The following TDRD1 variants were observed in gnomAD, a reference collection of about 807,000 sequenced individuals.
The protein encoded by TDRD1 is tudor domain-containing protein 1.
TDRD1 carries 37 observed loss-of-function variants against 140.6 expected under a neutral mutation model. That is an observed-to-expected ratio of 0.26 (90% CI 0.20 to 0.35). The LOEUF (loss-of-function observed/expected upper bound fraction) is 0.35. TDRD1 is among the 10% of genes least tolerant of loss of function. TDRD1 has a pLI of 1.00. For synonymous variants in TDRD1, 506 were observed against 475.7 expected, an observed-to-expected ratio of 1.06 and a Z score of -0.83; for missense variants, 1,243 against 1,393.0, an observed-to-expected ratio of 0.89 and a Z score of 1.71.
chr10:114,230,165 C>T (rs1190080939), intron 25 of TDRD1, among the ~76,000 whole-genome samples: 2 of 152,112 alleles, frequency 1.3e-5, no homozygotes, highest in Non-Finnish European at 2.9e-5. Context: ...AGTTGGTTGG[C>T]CTGTATGTTC....
chr10:114,182,682 AC>A (rs1268528841), intron 1 of TDRD1, among the ~76,000 whole-genome samples: 1 of 147,784 alleles, frequency 6.8e-6, no homozygotes, highest in Non-Finnish European at 1.5e-5. Flanking sequence ...TTTTTATCAT[AC>A]GAATATCTTT....
At chr10:114,183,212 G>C (rs1465304162) in intron 1 of TDRD1, among the ~76,000 whole-genome samples, 1 of 152,202 alleles carries the variant, frequency 6.6e-6, no homozygotes, top group Non-Finnish European at 1.5e-5. Context: ...TAAGGACAGT[G>C]TTATGAAAGA....
chr10:114,192,404 C>T (rs111647265), intron 3 of TDRD1, among the ~76,000 whole-genome samples: 21,162 of 140,256 alleles, frequency 0.15, 1,585 homozygotes, highest in African/African-American at 0.18. Context: ...CCTGGGTTTA[C>T]GCCATTTCTC....
chr10:114,187,360 A>C (rs985617249), intron 1 of TDRD1, among the ~76,000 whole-genome samples: 5 of 152,136 alleles, frequency 3.3e-5, no homozygotes, highest in Non-Finnish European at 7.4e-5. Flanking sequence ...TTCTGGGTAG[A>C]GGGTTCAGCA....
chr10:114,178,241 T>A (rs963940835), upstream of TDRD1, among the ~76,000 whole-genome samples: 7 of 152,120 alleles, frequency 4.6e-5, no homozygotes, highest in Non-Finnish European at 1.5e-5. Context: ...TTTTAAAGAA[T>A]TGAAGTTAGT....
exon 13 of TDRD1, chr10:114,210,906 G>C (rs1456836375): frequency 6.2e-7 from 1 of 1,614,136 alleles, no homozygotes; most frequent in Admixed American, 1.7e-5. Flanking sequence ...ACTGTGATCA[G>C]TTGCCTCCAC....
intron 1 of TDRD1, among the ~76,000 whole-genome samples, chr10:114,186,933 T>C (rs1212671327): frequency 2.0e-5 from 3 of 152,210 alleles, no homozygotes; most frequent in African/African-American, 7.2e-5. Flanking sequence ...AACATTTAGA[T>C]ATTACTCATG....
intron 22 of TDRD1, among the ~76,000 whole-genome samples, chr10:114,226,688 TACTTA>T (rs2036457095): frequency 1.3e-5 from 2 of 152,250 alleles, no homozygotes; most frequent in Non-Finnish European, 2.9e-5. Context: ...TGAACAAAAA[TACTTA>T]AAGTAGCTTT....
intron 18 of TDRD1, 149 bp from the exon 19 acceptor site, chr10:114,220,419 T>C: frequency 1.6e-6 from 1 of 609,856 alleles, no homozygotes; most frequent in Non-Finnish European, 2.9e-6. Context: ...AAGTCAGGCA[T>C]GCAGGATGTA....
rs1007623285 is a variant in TDRD1 at position 114,204,182 on chromosome 10, A to G, written c.1091A>G (p.His364Arg). ...ATAATTCCATTAAACAGAATTTACC[A>G]CCTCAACAGGAACATTGACTTGTTT... Residue 364 changes from histidine to arginine, a missense_variant, in exon 9 of 26, where the codon CAC (histidine) becomes CGC (arginine). Physicochemically the swap from His to Arg is conservative, Grantham distance 29. This residue lies in a region of TDRD1 where 392 missense variants were observed against 394.1 expected (regional missense o/e 0.99). Transcript: ENST00000251864. The G allele has an allele frequency of 1.9e-6, 3 of 1,597,024 alleles. No individual in the cohort carries two copies. In the African/African-American group the frequency reaches 4.1e-5, roughly 22 times the overall value.
chr10:114,195,169 C>T (rs2120351670), intron 3 of TDRD1, among the ~76,000 whole-genome samples: 1 of 152,248 alleles, frequency 6.6e-6, no homozygotes, highest in African/African-American at 2.4e-5. Context: ...TTTTCTGCCA[C>T]TGATTTCTAG....
At position 114,216,890 on chromosome 10, in the gene TDRD1, T is replaced by G. The variant is rs538364003; in HGVS notation, c.2213-655T>G. ...CACATTCTTAAAAGGCATTTGCTTT[T>G]CTTTTACTACTACTAAGTGGTTTAG... is the stretch of plus-strand genomic sequence containing the variant. On this transcript the variant is annotated intron_variant, in intron 16 of 25. Coordinates refer to ENST00000251864, the Ensembl canonical transcript of TDRD1. Among the ~76,000 whole-genome samples the G allele has an allele frequency of 4.6e-5, 7 of 152,370 alleles. No homozygotes were observed. The East Asian group carries it at 1.3e-3, about 29-fold the overall frequency.
At chr10:114,223,021 T>C (rs1030640150) in intron 21 of TDRD1, among the ~76,000 whole-genome samples, 1 of 152,210 alleles carries the variant, frequency 6.6e-6, no homozygotes, top group Non-Finnish European at 1.5e-5. Context: ...AAAGAATTCA[T>C]AGGGTTCCAT....
exon 24 of TDRD1, chr10:114,227,942 G>C: frequency 6.2e-7 from 1 of 1,613,804 alleles, no homozygotes; most frequent in South Asian, 1.1e-5. Flanking sequence ...CTGCTGCACA[G>C]AGTTACAGAA....
Position 114,183,209 on chromosome 10 carries a change from A to G in TDRD1, c.-7+3793A>G, listed in dbSNP as rs530784173. Reference sequence around the variant, plus strand: ...CCAGCATGAGTTACTAAGTAAGGACAGTGTTATGAAAGACTCTCGGGTGTA... The same window carrying G: ...CCAGCATGAGTTACTAAGTAAGGACGGTGTTATGAAAGACTCTCGGGTGTA... On this transcript the variant is annotated intron_variant, in intron 1 of 25. Coordinates refer to ENST00000251864, the Ensembl canonical transcript of TDRD1. Among the ~76,000 whole-genome samples the G allele has an allele frequency of 2.3e-3, 355 of 152,296 alleles. 6 individuals carry two copies. The highest frequency in any genetic ancestry group is 1.2e-3 in the Non-Finnish European group (82 of 68,022).
rs1178381467 is a variant in TDRD1, at chr10:114,205,910, C to A, written c.1298-334C>A. Among the ~76,000 whole-genome samples the A allele has an allele frequency of 3.3e-5, 5 of 152,266 alleles. No homozygotes were observed. The East Asian group carries it at 9.7e-4, about 29-fold the overall frequency. On this transcript the variant is annotated intron_variant, in intron 10 of 25. Transcript: ENST00000251864. ...CAAAGGATGCTTGAGGGGATGGTTA[C>A]CTCCTCTGTGGTGTGTTTATTTCAC...
At chr10:114,203,698 A>G (rs1223886375) in intron 8 of TDRD1, 131 bp downstream of exon 8, 2 of 788,608 alleles carry the variant, frequency 2.5e-6, no homozygotes, top group Admixed American at 3.0e-5. Flanking sequence ...ATTCCTCTTC[A>G]GTATCCCGTG....
chr10:114,232,382 A>T (rs1013718026), downstream of TDRD1: 2 of 151,674 alleles, frequency 1.3e-5, no homozygotes, highest in Admixed American at 1.3e-4. Flanking sequence ...AACCACGCAT[A>T]TGCAGAATTA....
At chr10:114,228,315 C>T (rs1426153255) in intron 25 of TDRD1, 2 of 1,364,946 alleles carry the variant, frequency 1.5e-6, no homozygotes, top group African/African-American at 1.5e-5. Context: ...TTTTCCTTTG[C>T]TACTGCTAAT....
Sources: allele counts gnomAD v4.1 joint callset (sites outside exome capture counted in the v4.1 genomes callset), GRCh38; gene constraint gnomAD v4.1.1; regional missense constraint gnomAD v4.1.1; transcripts MANE v1.5; gene names NCBI Gene and HGNC (gene_info 2026-07-23, HGNC 2026-07-21).